COL11A1: variants seen among roughly 807,000 people sequenced by gnomAD.
COL11A1 encodes the protein collagen alpha-1(XI) chain.
Under a neutral mutation model 265.2 loss-of-function variants are expected in COL11A1, and 74 were observed. That is an observed-to-expected ratio of 0.28 (90% CI 0.23 to 0.34). The LOEUF (loss-of-function observed/expected upper bound fraction) is 0.34, where lower values mean the gene tolerates loss of function less well. Ranked by LOEUF, COL11A1 falls within the 10% of genes least tolerant of loss-of-function variation. COL11A1 has a pLI of 1.00. For synonymous variants in COL11A1, 816 were observed against 727.6 expected (o/e 1.12, Z -1.96); for missense variants, 2,165 against 2,263.6 (o/e 0.96, Z 0.88).
rs933062306 is a variant in COL11A1 at position 102,887,047 on chromosome 1, C to T, written c.4618G>A (p.Gly1540Ser). The change falls in exon 63 of 67, where the codon GGT (glycine) becomes AGT (serine). Residue 1540 changes from glycine to serine, a missense_variant. Coordinates refer to ENST00000370096, the MANE Select transcript of COL11A1 (RefSeq NM_001854.4). ...ATTGGTAAAGGCTGAATGACTTCAC[C>T]AGGTGGACCCTGTAAAGAAGATAAT... ...PGPPGSPGPPGEVIQPLPILS... is the reference protein window; with the variant it reads ...PGPPGSPGPPSEVIQPLPILS... 6 of 1,613,566 alleles carry T rather than the reference C, an allele frequency of 3.7e-6. No homozygotes were observed. Among genetic ancestry groups the T allele is most frequent in the African/African-American group, 1.3e-5 (1 of 74,856 alleles).
At chr1:102,920,784 G>A (rs1359830527) in intron 48 of COL11A1, among the ~76,000 whole-genome samples, 1 of 152,116 alleles carries the variant, frequency 6.6e-6, no homozygotes, top group Admixed American at 6.5e-5. Flanking sequence ...TAAGAAGAAT[G>A]AAAATCTAAA....
intron 63 of COL11A1, among the ~76,000 whole-genome samples, chr1:102,885,516 A>G (rs571165276): frequency 2.0e-5 from 3 of 152,298 alleles, no homozygotes; most frequent in South Asian, 4.1e-4. Flanking sequence ...AAACAGGAAA[A>G]GTATTCTAAT....
chr1:103,077,667 TA>T (rs1477022356), intron 3 of COL11A1, among the ~76,000 whole-genome samples: 10 of 152,140 alleles, frequency 6.6e-5, no homozygotes, highest in Non-Finnish European at 1.2e-4. Context: ...AAGCTGTTTT[TA>T]GAGGTCTGGA....
intron 41 of COL11A1, among the ~76,000 whole-genome samples, chr1:102,951,480 G>A (rs1659871011): frequency 6.6e-6 from 1 of 152,108 alleles, no homozygotes; most frequent in African/African-American, 2.4e-5. Flanking sequence ...GGCGGATCAC[G>A]AGGTCAGGAG....
At chr1:103,095,176 C>A (rs985133713) in intron 1 of COL11A1, among the ~76,000 whole-genome samples, 1 of 151,928 alleles carries the variant, frequency 6.6e-6, no homozygotes, top group Non-Finnish European at 1.5e-5. Context: ...AATGGAATAA[C>A]AAACTATGGG....
chr1:103,063,395 T>C lies in COL11A1; in HGVS notation c.651+11223A>G, dbSNP rs953895371. Among the ~76,000 whole-genome samples, 4 of 152,002 alleles carry C rather than the reference T, an allele frequency of 2.6e-5. No homozygotes were observed. The South Asian group carries it at 6.2e-4, about 24-fold the overall frequency. ...GTAGATCAATGGAATAGAATAAAGA[T>C]CCTAGAAAAAGATCCATATAAATAT... On this transcript the variant is annotated intron_variant, in intron 4 of 66. Coordinates refer to ENST00000370096, the MANE Select transcript of COL11A1 (RefSeq NM_001854.4).
chr1:103,039,810 A>T (rs1031328958), intron 4 of COL11A1, among the ~76,000 whole-genome samples: 3 of 152,130 alleles, frequency 2.0e-5, no homozygotes, highest in Non-Finnish European at 4.4e-5. Context: ...ATTGAAAAAA[A>T]ATACAAAATG....
chr1:103,038,641 C>A (rs950310161), intron 4 of COL11A1, among the ~76,000 whole-genome samples: 1 of 152,036 alleles, frequency 6.6e-6, no homozygotes, highest in African/African-American at 2.4e-5. Flanking sequence ...CAAAAGATGT[C>A]ATTTGAGTGT....
chr1:103,014,976 TTTTG>T (rs1238967740), intron 12 of COL11A1, among the ~76,000 whole-genome samples: 1 of 152,124 alleles, frequency 6.6e-6, no homozygotes, highest in Non-Finnish European at 1.5e-5. Flanking sequence ...TCAATCTCTA[TTTTG>T]TTTGTCAAAA....
At chr1:102,974,421 G>A (rs1303481821) in intron 36 of COL11A1, among the ~76,000 whole-genome samples, 1 of 152,050 alleles carries the variant, frequency 6.6e-6, no homozygotes, top group Non-Finnish European at 1.5e-5. Flanking sequence ...CATGACTTAA[G>A]TAATATCACA....
intron 12 of COL11A1, among the ~76,000 whole-genome samples, chr1:103,015,170 G>T (rs183411880): frequency 1.3e-5 from 2 of 151,766 alleles, no homozygotes; most frequent in South Asian, 4.1e-4. Flanking sequence ...ATTATTTCTT[G>T]AAACTTTGTT....
chr1:103,103,410 G>A (rs971260526), intron 1 of COL11A1, among the ~76,000 whole-genome samples: 1 of 151,842 alleles, frequency 6.6e-6, no homozygotes, highest in African/African-American at 2.4e-5. Flanking sequence ...ACAAAACTAT[G>A]TTCTTAATCC....
At chr1:102,890,303 C>T in intron 58 of COL11A1, 148 bp downstream of exon 58, 1 of 685,926 alleles carries the variant, frequency 1.5e-6, no homozygotes, top group Non-Finnish European at 2.5e-6. Flanking sequence ...CTACATACAT[C>T]TGGGAAGCTA....
At chr1:103,036,805 C>T (rs1174467414) in intron 4 of COL11A1, among the ~76,000 whole-genome samples, 1 of 151,960 alleles carries the variant, frequency 6.6e-6, no homozygotes, top group African/African-American at 2.4e-5. Context: ...TACAAGGCAT[C>T]CTCCTCCTTT....
At chr1:103,005,781 T>C in intron 18 of COL11A1, 57 bp downstream of exon 18, 1 of 1,597,456 alleles carries the variant, frequency 6.3e-7, no homozygotes, top group Non-Finnish European at 8.6e-7. Flanking sequence ...CAAATTGTTA[T>C]CAATTCTAAA....
intron 24 of COL11A1, chr1:103,001,247 G>A (rs953526578): frequency 2.3e-5 from 9 of 396,996 alleles, no homozygotes; most frequent in Non-Finnish European, 3.6e-5. Flanking sequence ...TAAAACAAGG[G>A]AATATTTATA....
chr1:103,101,375 TAAAGG>T (rs1294690888), intron 1 of COL11A1, among the ~76,000 whole-genome samples: 5 of 151,950 alleles, frequency 3.3e-5, no homozygotes, highest in Admixed American at 6.6e-5. Context: ...AAGACAGAAG[TAAAGG>T]AAAGACAGAC....
At chr1:102,963,359 G>T (rs1661100306) in intron 38 of COL11A1, among the ~76,000 whole-genome samples, 1 of 152,190 alleles carries the variant, frequency 6.6e-6, no homozygotes, top group Non-Finnish European at 1.5e-5. Flanking sequence ...GCCAAAGGCT[G>T]TAACAAATGG....
At chr1:103,033,653 C>A (rs868414159) in intron 4 of COL11A1, among the ~76,000 whole-genome samples, 1 of 152,164 alleles carries the variant, frequency 6.6e-6, no homozygotes, top group Non-Finnish European at 1.5e-5. Context: ...CAAGAACAAT[C>A]TTTTATATTT....
Sources: allele counts gnomAD v4.1 joint callset (sites outside exome capture counted in the v4.1 genomes callset), GRCh38; gene constraint gnomAD v4.1.1; transcripts MANE v1.5; gene names NCBI Gene and HGNC (gene_info 2026-07-23, HGNC 2026-07-21).